The following EEFSEC variants were observed in gnomAD, a reference collection of about 807,000 sequenced individuals.
EEFSEC encodes eukaryotic elongation factor, selenocysteine-tRNA specific.
A neutral mutation model predicts 42.1 loss-of-function variants in EEFSEC; 43 were observed. The ratio of observed to expected loss-of-function variants is 1.02; its 90% CI spans 0.80 to 1.32. EEFSEC has a LOEUF of 1.32. Ranked by LOEUF, EEFSEC falls within the 40% of genes most tolerant of loss-of-function variation. The pLI, the probability that EEFSEC is intolerant of heterozygous loss-of-function variation, is 0.00. For missense variants in EEFSEC, 745 were observed against 803.6 expected (o/e 0.93, Z 0.88); for synonymous variants, 354 against 339.1 (o/e 1.04, Z -0.48).
intron 4 of EEFSEC, among the ~76,000 whole-genome samples, chr3:128,307,492 C>T (rs1466984709): frequency 6.6e-6 from 1 of 152,242 alleles, no homozygotes; most frequent in African/African-American, 2.4e-5. Context: ...CTGGCTCCCA[C>T]AGGGTGCCTG....
chr3:128,269,642 C>T (rs1443194668), intron 4 of EEFSEC, among the ~76,000 whole-genome samples: 6 of 152,228 alleles, frequency 3.9e-5, no homozygotes, highest in Admixed American at 3.3e-4. Context: ...GCCTGCGGAG[C>T]CTGCCATACC....
At chr3:128,388,927 T>A (rs1470439177) in intron 6 of EEFSEC, among the ~76,000 whole-genome samples, 6 of 152,216 alleles carry the variant, frequency 3.9e-5, no homozygotes, top group Non-Finnish European at 8.8e-5. Context: ...CCACTCTTGA[T>A]TTCTGGGTCA....
chr3:128,367,991 A>G (rs1315741296), intron 6 of EEFSEC, among the ~76,000 whole-genome samples: 1 of 152,350 alleles, frequency 6.6e-6, no homozygotes, highest in East Asian at 1.9e-4. Context: ...GGGGCCAGTC[A>G]CATGGCCTGA....
At chr3:128,241,798 C>T (rs556667188) in intron 1 of EEFSEC, among the ~76,000 whole-genome samples, 22 of 152,312 alleles carry the variant, frequency 1.4e-4, no homozygotes, top group African/African-American at 5.1e-4. Context: ...AGGCACTGTT[C>T]TAAATTGTTT....
chr3:128,262,105 A>G (rs747080331), intron 2 of EEFSEC, 23 bp from the exon 3 acceptor site: 5 of 1,612,144 alleles, frequency 3.1e-6, no homozygotes, highest in South Asian at 1.1e-5. Flanking sequence ...TGTAACTGTG[A>G]TGGGACTTAT....
At chr3:128,175,031 CCT>C (rs919643461) in intron 1 of EEFSEC, among the ~76,000 whole-genome samples, 5 of 151,976 alleles carry the variant, frequency 3.3e-5, no homozygotes, top group Admixed American at 6.6e-5. Flanking sequence ...ATAAAGCTGG[CCT>C]CTCTCCTGTC....
At chr3:128,281,205 C>A (rs1468803739) in intron 4 of EEFSEC, among the ~76,000 whole-genome samples, 1 of 152,156 alleles carries the variant, frequency 6.6e-6, no homozygotes, top group Non-Finnish European at 1.5e-5. Flanking sequence ...TGGATCGGAC[C>A]CTCCTTCTGA....
At chr3:128,391,901 C>T (rs1178427670) in intron 6 of EEFSEC, among the ~76,000 whole-genome samples, 1 of 152,168 alleles carries the variant, frequency 6.6e-6, no homozygotes, top group Non-Finnish European at 1.5e-5. Flanking sequence ...CAGAGGGAGG[C>T]GCCCAGCACC....
At chr3:128,363,153 C>A (rs549826843) in intron 6 of EEFSEC, among the ~76,000 whole-genome samples, 21 of 152,274 alleles carry the variant, frequency 1.4e-4, no homozygotes, top group African/African-American at 5.1e-4. Flanking sequence ...CTGGGGCTGG[C>A]AGGATGGGCA....
chr3:128,217,062 T>C (rs563339691), intron 1 of EEFSEC, among the ~76,000 whole-genome samples: 59 of 152,320 alleles, frequency 3.9e-4, no homozygotes, highest in African/African-American at 1.4e-3. Context: ...CTTATCCCAA[T>C]TTTGGAAAAT....
chr3:128,413,981 G>T, the EEFSEC span, among the ~76,000 whole-genome samples: 10 of 152,284 alleles, frequency 6.6e-5, no homozygotes, highest in African/African-American at 1.7e-4. Context: ...CCGAGGGGCC[G>T]CTGGGCCCAA....
intron 4 of EEFSEC, among the ~76,000 whole-genome samples, chr3:128,327,007 G>T (rs552309972): frequency 6.6e-6 from 1 of 152,286 alleles, no homozygotes; most frequent in Admixed American, 6.5e-5. Flanking sequence ...AGCAGTGTTT[G>T]CACTTTTCTG....
At chr3:128,320,021 AGGACACTGTTTACAGTGTCCT>A (rs1240043600) in intron 4 of EEFSEC, among the ~76,000 whole-genome samples, 3 of 152,238 alleles carry the variant, frequency 2.0e-5, no homozygotes, top group Non-Finnish European at 4.4e-5. Flanking sequence ...TCCTGTTCAT[AGGACACTGTTTACAGTGTCCT>A]GCCTCGGTGC....
intron 4 of EEFSEC, among the ~76,000 whole-genome samples, chr3:128,284,099 GC>G (rs2066558021): frequency 6.6e-6 from 1 of 152,148 alleles, no homozygotes; most frequent in African/African-American, 2.4e-5. Context: ...ATACCACCGT[GC>G]TGCTGTGGCA....
chr3:128,157,596 C>T (rs965252987), intron 1 of EEFSEC, among the ~76,000 whole-genome samples: 2 of 152,206 alleles, frequency 1.3e-5, no homozygotes, highest in African/African-American at 4.8e-5. Flanking sequence ...TAAATCTATT[C>T]AGCCTGTGCT....
At chr3:128,297,342 C>T (rs927243730) in intron 4 of EEFSEC, among the ~76,000 whole-genome samples, 1 of 152,182 alleles carries the variant, frequency 6.6e-6, no homozygotes, top group Non-Finnish European at 1.5e-5. Flanking sequence ...AGAACTGGCT[C>T]TACCAGTGCC....
At chr3:128,388,595 C>T (rs2067870617) in intron 6 of EEFSEC, among the ~76,000 whole-genome samples, 2 of 152,270 alleles carry the variant, frequency 1.3e-5, no homozygotes, top group African/African-American at 2.4e-5. Flanking sequence ...TGGCCCGAGC[C>T]TCCTGAGTTT....
At chr3:128,262,926 T>C (rs1031803367) in intron 3 of EEFSEC, among the ~76,000 whole-genome samples, 1 of 152,180 alleles carries the variant, frequency 6.6e-6, no homozygotes, top group Non-Finnish European at 1.5e-5. Context: ...CGTGCATGGC[T>C]CTGGGGCTGG....
At chr3:128,261,302 G>T (rs575546108) in intron 2 of EEFSEC, among the ~76,000 whole-genome samples, 2 of 152,194 alleles carry the variant, frequency 1.3e-5, no homozygotes, top group Non-Finnish European at 2.9e-5. Context: ...ATCATGTGTT[G>T]TAGATGCTTT....
Sources: allele counts gnomAD v4.1 joint callset (sites outside exome capture counted in the v4.1 genomes callset), GRCh38; gene constraint gnomAD v4.1.1; transcripts MANE v1.5; gene names NCBI Gene and HGNC (gene_info 2026-07-23, HGNC 2026-07-21).